The following MAVS variants were observed in gnomAD, a reference collection of about 807,000 sequenced individuals.
The protein encoded by MAVS is mitochondrial antiviral signaling protein, also known as mitochondrial antiviral-signaling protein.
Under a neutral mutation model 30.2 loss-of-function variants are expected in MAVS, and 20 were observed. That is an observed-to-expected ratio of 0.66 (90% CI 0.47 to 0.96). The LOEUF (loss-of-function observed/expected upper bound fraction) is 0.96. Among genes scored for constraint, MAVS ranks in the 40% least tolerant of loss-of-function variants. MAVS has a pLI of 0.00. For missense variants in MAVS, 624 were observed against 701.1 expected (o/e 0.89, Z 1.24); for synonymous variants, 278 against 293.9 (o/e 0.95, Z 0.55).
In MAVS at chr20:3,865,935, G is replaced by A; in HGVS notation, c.1411G>A (p.Ala471Thr). Reference protein sequence around the residue: ...KSEGTFGIHVAENPSIQLLEG... With the variant: ...KSEGTFGIHVTENPSIQLLEG... ...CGAGGGCACCTTTGGGATCCACGTG[G>A]CTGAGAACCCCAGCATCCAGCTCCT... The change falls in exon 7 of 7, where the codon GCT becomes ACT. Residue 471 changes from alanine to threonine, a missense_variant. Coordinates refer to ENST00000428216, the MANE Select transcript of MAVS (RefSeq NM_020746.5). The surrounding 1 kb of genome is among the most constrained non-coding windows in gnomAD (Gnocchi z 4.7). 1 of 1,613,744 alleles carries A rather than the reference G, an allele frequency of 6.2e-7. No individual in the cohort carries two copies. Among genetic ancestry groups the A allele is most frequent in the Non-Finnish European group, 8.5e-7 (1 of 1,179,892 alleles).
At chr20:3,847,713 C>G (rs1000480251) in intron 1 of MAVS, among the ~76,000 whole-genome samples, 1 of 152,180 alleles carries the variant, frequency 6.6e-6, no homozygotes, top group Non-Finnish European at 1.5e-5. Context: ...CTCCCTCCCG[C>G]CAAGTGACCT....
intron 3 of MAVS, among the ~76,000 whole-genome samples, chr20:3,859,252 A>G (rs1488744921): frequency 6.6e-6 from 1 of 151,710 alleles, no homozygotes; most frequent in Non-Finnish European, 1.5e-5. Flanking sequence ...TCACGCCTGT[A>G]ATCCCAGCAC....
At chr20:3,854,774 C>T in intron 2 of MAVS, 33 bp downstream of exon 2, 1 of 1,489,100 alleles carries the variant, frequency 6.7e-7, no homozygotes, top group Non-Finnish European at 9.4e-7. Context: ...CGACACTGGC[C>T]TGGGGGCAGG....
chr20:3,864,613 C>T lies in MAVS; in HGVS notation c.983C>T (p.Thr328Ile), dbSNP rs149455934. ...SVSTVPSKLP[T>I]SSKPPGAVPS... Reference sequence around the variant, plus strand: ...AGCACAGTGCCCTCCAAGTTGCCAACTAGCTCAAAGCCCCCTGGTGCAGTG... The same window carrying T: ...AGCACAGTGCCCTCCAAGTTGCCAATTAGCTCAAAGCCCCCTGGTGCAGTG... Residue 328 changes from threonine to isoleucine, a missense_variant, in exon 6 of 7, where the codon ACT (threonine) becomes ATT (isoleucine). Thr to Ile is a moderately conservative substitution (Grantham distance 89). Coordinates refer to ENST00000428216, the MANE Select transcript of MAVS (RefSeq NM_020746.5). The T allele has an allele frequency of 2.5e-6, 4 of 1,614,216 alleles. No homozygotes were observed. In the Admixed American group the frequency reaches 6.7e-5, roughly 27 times the overall value.
rs201832980 is a variant in MAVS at position 3,865,681 on chromosome 20, A to G, written c.1159-2A>G. On this transcript the variant is annotated splice_acceptor_variant, in intron 6 of 6. Transcript: ENST00000428216. LOFTEE classifies it high-confidence loss of function. The surrounding 1 kb of genome is among the most constrained non-coding windows in gnomAD (Gnocchi z 4.7). The stretch of plus-strand genomic sequence containing the variant: ...CTTCCAGTGCTCTCCTTTCTTTCCC[A>G]GGAGACCCCAGCAGCTCCAACACCC... The G allele has an allele frequency of 1.3e-6, 2 of 1,597,446 alleles. No homozygotes were observed. The highest frequency in any genetic ancestry group is 3.4e-5 in the Admixed American group (2 of 58,582).
At chr20:3,852,264 G>C (rs1204005168) in intron 1 of MAVS, among the ~76,000 whole-genome samples, 1 of 152,008 alleles carries the variant, frequency 6.6e-6, no homozygotes, top group South Asian at 2.1e-4. Context: ...AAAGTGCTGG[G>C]ATTACAGGCG....
At chr20:3,854,875 TGTCC>T (rs2089795999) in intron 2 of MAVS, 134 bp downstream of exon 2, 1 of 521,064 alleles carries the variant, frequency 1.9e-6, no homozygotes, top group African/African-American at 2.0e-5. Context: ...TCTTGCTCCT[TGTCC>T]TTGCTGCTTT....
At position 3,861,392 on chromosome 20, in the gene MAVS, G is replaced by A. The variant is rs2089865976; in HGVS notation, c.353G>A (p.Gly118Glu). The A allele has an allele frequency of 6.2e-7, 1 of 1,614,004 alleles. No individual in the cohort carries two copies. Among genetic ancestry groups the A allele is most frequent in the Non-Finnish European group, 8.5e-7 (1 of 1,179,996 alleles). Residue 118 changes from glycine to glutamate, a missense_variant, in exon 4 of 7, where the codon GGG becomes GAG. Transcript: ENST00000428216. ...CCGTCACTTCCTGCTGAGAGGCCAG[G>A]GCCCCCCACACCTGCTGCGGCCCAC... ...EPPSLPAERP[G>E]PPTPAAAHSI...
In MAVS at chr20:3,874,168, CTCA is replaced by C. The variant is rs1268454403; in HGVS notation, c.*8028_*8030del. 1.0e-5 allele frequency: 4 copies of C among 398,426 alleles called. No individual in the cohort carries two copies. Among genetic ancestry groups the C allele is most frequent in the African/African-American group, 8.2e-5 (4 of 48,590 alleles). The allele number at this position is 398,426 out of a possible 1,614,324, so 24.7% of individuals were successfully genotyped here. A position where few individuals can be genotyped will look rare whatever the true frequency, so the allele number is the denominator to read the frequency against. On this transcript the variant is annotated 3_prime_UTR_variant, in exon 7 of 7. Transcript: ENST00000428216. ...AGGTCAAGCAAAAGAGGTCAGAGTCCTCATCATCAAGAGAGAATTCATTGTATG... is the reference window on the plus strand; with the variant it reads ...AGGTCAAGCAAAAGAGGTCAGAGTCCTCATCAAGAGAGAATTCATTGTATG...
rs1485346536 is a variant in MAVS, at chr20:3,874,071, A to G, written c.*7924A>G. On this transcript the variant is annotated 3_prime_UTR_variant, in exon 7 of 7. Transcript: ENST00000428216. ...CTACAGTGAAGTCACAGGGTCGAAT[A>G]CTACTGCACAGCAACGAATATGAAT... is the stretch of plus-strand genomic sequence containing the variant. 5.0e-6 allele frequency: 2 copies of G among 398,508 alleles called. No individual in the cohort carries two copies. The highest frequency in any genetic ancestry group is 8.8e-6 in the Non-Finnish European group (2 of 226,084). The allele number at this position is 398,508 out of a possible 1,614,324, so 24.7% of individuals were successfully genotyped here. A position where few individuals can be genotyped will look rare whatever the true frequency, so the allele number is the denominator to read the frequency against.
At chr20:3,863,232 C>T (rs1012243479) in intron 5 of MAVS, among the ~76,000 whole-genome samples, 5 of 152,190 alleles carry the variant, frequency 3.3e-5, no homozygotes, top group Admixed American at 6.5e-5. Flanking sequence ...GACTCAACTC[C>T]AGATGTCAGT....
At chr20:3,850,253 G>A (rs990231991) in intron 1 of MAVS, among the ~76,000 whole-genome samples, 7 of 137,644 alleles carry the variant, frequency 5.1e-5, no homozygotes, top group African/African-American at 1.9e-4. Context: ...CTCCAGCCTG[G>A]GTGAAGGAGC....
chr20:3,870,904 AGAGT>A lies in MAVS; in HGVS notation c.*4759_*4762del, dbSNP rs1480824290. The A allele has an allele frequency of 3.3e-5, 5 of 151,692 alleles. No homozygotes were observed. The highest frequency in any genetic ancestry group is 1.2e-4 in the African/African-American group (5 of 41,044). 9.4% of individuals were successfully genotyped at this position (151,692 alleles called of 1,614,324 possible). ...TGCAGAGGTTCTTTTCTTTTGAGAC[AGAGT>A]GTTGCTCTGTTGCCCAGGCTGGAGT... On this transcript the variant is annotated 3_prime_UTR_variant, in exon 7 of 7. Coordinates refer to ENST00000428216, the MANE Select transcript of MAVS (RefSeq NM_020746.5).
chr20:3,860,074 C>T (rs1288811167), intron 3 of MAVS, among the ~76,000 whole-genome samples: 1 of 152,168 alleles, frequency 6.6e-6, no homozygotes, highest in African/African-American at 2.4e-5. Flanking sequence ...GCCTCGGCCT[C>T]CCAAAGTGCT....
rs116022494 is a variant in MAVS, at chr20:3,855,238, T to C, written c.117+497T>C. Among the ~76,000 whole-genome samples the C allele has an allele frequency of 3.4e-3, 519 of 152,236 alleles. 4 individuals carry two copies. The highest frequency in any genetic ancestry group is 0.012 in the African/African-American group (499 of 41,550). ...TGTGGCTCAGGGTGGCGTTGCTGAC[T>C]TCGCCGAGCTCCCCCTTGTGTTGCT... is the stretch of plus-strand genomic sequence containing the variant. On this transcript the variant is annotated intron_variant, in intron 2 of 6. Transcript: ENST00000428216.
rs2089975439 is a variant in MAVS, at chr20:3,874,285, G to C, written c.*8138G>C. ...AACAGTTAACAGGGGAGGGATACTGGGGAGGGGCATCCTGGAGTGCTGGTC... is the reference window on the plus strand; with the variant it reads ...AACAGTTAACAGGGGAGGGATACTGCGGAGGGGCATCCTGGAGTGCTGGTC... On this transcript the variant is annotated 3_prime_UTR_variant, in exon 7 of 7. Transcript: ENST00000428216. 1 of 398,376 alleles carries C rather than the reference G, an allele frequency of 2.5e-6. No individual in the cohort carries two copies. Among genetic ancestry groups the C allele is most frequent in the South Asian group, 1.3e-4 (1 of 7,814 alleles). The allele number at this position is 398,376 out of a possible 1,614,324, so 24.7% of individuals were successfully genotyped here.
intron 2 of MAVS, among the ~76,000 whole-genome samples, chr20:3,855,294 C>T (rs2089800535): frequency 6.6e-6 from 1 of 152,172 alleles, no homozygotes; most frequent in Non-Finnish European, 1.5e-5. Flanking sequence ...ATGGCGCTGG[C>T]TCTCTGAGAT....
intron 1 of MAVS, 134 bp from the exon 2 acceptor site, chr20:3,854,424 C>CAA (rs143700590): frequency 1.5e-3 from 279 of 188,154 alleles, no homozygotes; most frequent in Middle Eastern, 3.9e-3. Context: ...GACTCGCTCT[C>CAA]AAAAAAAAAA....
intron 1 of MAVS, among the ~76,000 whole-genome samples, chr20:3,853,559 G>A (rs2089783066): frequency 1.3e-5 from 2 of 151,968 alleles, no homozygotes; most frequent in African/African-American, 2.4e-5. Flanking sequence ...CTTGACAGGC[G>A]GAGGCAGGGG....
Sources: gnomAD v4.1 joint callset for allele counts (sites outside exome capture counted in the v4.1 genomes callset) on GRCh38, gnomAD v4.1.1 for gene constraint, Gnocchi (gnomAD v3.1) non-coding constraint, MANE v1.5 for transcripts, NCBI Gene and HGNC (gene_info 2026-07-23, HGNC 2026-07-21) for gene names.